NAA16: variants seen among roughly 807,000 people sequenced by gnomAD.
NAA16 encodes N-alpha-acetyltransferase 16, NatA auxiliary subunit.
NAA16 carries 97 observed loss-of-function variants against 110.3 expected under a neutral mutation model. The ratio of observed to expected loss-of-function variants is 0.88; its 90% confidence interval spans 0.75 to 1.04. The LOEUF (loss-of-function observed/expected upper bound fraction) is 1.04. Among genes scored for constraint, NAA16 ranks in the 50% least tolerant of loss-of-function variants. NAA16 has a pLI of 0.00. For synonymous variants in NAA16, 372 were observed against 330.6 expected (o/e 1.13, Z -1.36); for missense variants, 1,017 against 1,005.1 (o/e 1.01, Z -0.16).
intron 9 of NAA16, among the ~76,000 whole-genome samples, chr13:41,353,113 T>TCAAAACAAAACAAAACAAAACAAAA (rs57333303): frequency 4.1e-4 from 61 of 150,536 alleles, no homozygotes; most frequent in African/African-American, 1.4e-3. Context: ...AGACTCCATC[T>TCAAAACAAAACAAAACAAAACAAAA]CAAAACAAAA....
intron 9 of NAA16, among the ~76,000 whole-genome samples, chr13:41,352,178 C>CA (rs1442569273): frequency 6.6e-6 from 1 of 152,020 alleles, no homozygotes; most frequent in Non-Finnish European, 1.5e-5. Flanking sequence ...CCCGTCTCTA[C>CA]AAAAAATACA....
chr13:41,376,281 T>TC lies in NAA16; in HGVS notation c.*681dup. 6.6e-6 allele frequency: 1 copy of TC among 152,258 alleles called. No homozygotes were observed. The highest frequency in any genetic ancestry group is 1.9e-4 in the East Asian group (1 of 5,180). The allele number at this position is 152,258 out of a possible 1,614,324, so 9.4% of individuals were successfully genotyped here. A position where few individuals can be genotyped will look rare whatever the true frequency, so the allele number is the denominator to read the frequency against. On this transcript the variant is annotated 3_prime_UTR_variant, in exon 20 of 20. Coordinates refer to ENST00000379406, the MANE Select transcript of NAA16 (RefSeq NM_024561.5). ...TCCAGCCTGGGCAACAGAGCAAGAC[T>TC]CCATCTCGAAAAAAAGGAATTCCTC...
At chr13:41,354,841 G>C (rs2042938351) in intron 9 of NAA16, among the ~76,000 whole-genome samples, 1 of 146,886 alleles carries the variant, frequency 6.8e-6, no homozygotes, top group Admixed American at 6.8e-5. Context: ...TGACATTTTA[G>C]AAAATCTGAA....
intron 9 of NAA16, among the ~76,000 whole-genome samples, chr13:41,342,584 T>TA (rs973257351): frequency 1.1e-4 from 16 of 152,164 alleles, no homozygotes; most frequent in Non-Finnish European, 2.2e-4. Flanking sequence ...ACAGCAATAA[T>TA]AAAAAATCAA....
At chr13:41,311,707 C>T (rs2041577604) in intron 1 of NAA16, 125 bp downstream of exon 1, 25 of 897,676 alleles carry the variant, frequency 2.8e-5, no homozygotes, top group South Asian at 2.3e-4. Context: ...TCTTTGTTTA[C>T]CTCGGAGGTC....
In NAA16 at chr13:41,370,392, A is replaced by G. The variant is rs540346430; in HGVS notation, c.1947+1109A>G. Reference sequence around the variant, plus strand: ...ATAAAAGCCACAAAGGACATCTATTAGTAAGGAAAATAAGCGAACACCAGG... The same window carrying G: ...ATAAAAGCCACAAAGGACATCTATTGGTAAGGAAAATAAGCGAACACCAGG... On this transcript the variant is annotated intron_variant, in intron 15 of 19. Coordinates refer to ENST00000379406, the MANE Select transcript of NAA16 (RefSeq NM_024561.5). Among the ~76,000 whole-genome samples the G allele has an allele frequency of 2.6e-5, 4 of 152,322 alleles. No individual in the cohort carries two copies. In the East Asian group the frequency reaches 7.7e-4, roughly 29 times the overall value.
chr13:41,346,479 A>T (rs958404233), intron 9 of NAA16, among the ~76,000 whole-genome samples: 1 of 152,234 alleles, frequency 6.6e-6, no homozygotes, highest in Admixed American at 6.5e-5. Context: ...GTGCCATGCC[A>T]TGCTGGGCCA....
At chr13:41,355,707 C>T (rs910056973) in intron 10 of NAA16, among the ~76,000 whole-genome samples, 5 of 152,130 alleles carry the variant, frequency 3.3e-5, no homozygotes, top group Admixed American at 2.6e-4. Context: ...GGATTACAGG[C>T]GTGAGCCACC....
chr13:41,373,202 T>G (rs1438020754), intron 17 of NAA16: 1 of 843,240 alleles, frequency 1.2e-6, no homozygotes, highest in African/African-American at 1.8e-5. Flanking sequence ...AAAGGAAGAA[T>G]AATAATTATA....
intron 10 of NAA16, among the ~76,000 whole-genome samples, chr13:41,356,141 A>G (rs1382143537): frequency 6.6e-6 from 1 of 152,098 alleles, no homozygotes; most frequent in Non-Finnish European, 1.5e-5. Context: ...CACCATGCCT[A>G]GCTGATTTTG....
intron 10 of NAA16, among the ~76,000 whole-genome samples, chr13:41,357,518 A>AT (rs2043017282): frequency 6.6e-6 from 1 of 152,170 alleles, no homozygotes; most frequent in Non-Finnish European, 1.5e-5. Flanking sequence ...TTGTGTTTTA[A>AT]TGTGTGCTAT....
rs1056842628 is a variant in NAA16 at position 41,375,806 on chromosome 13, G to T, written c.*204G>T. 8.7e-6 allele frequency: 4 copies of T among 458,736 alleles called. No individual in the cohort carries two copies. Among genetic ancestry groups the T allele is most frequent in the Non-Finnish European group, 1.5e-5 (4 of 261,148 alleles). 28.4% of individuals were successfully genotyped at this position (458,736 alleles called of 1,614,324 possible). A position where few individuals can be genotyped will look rare whatever the true frequency, so the allele number is the denominator to read the frequency against. Reference sequence around the variant, plus strand: ...AAAATTACCTGTTTATTCTTACACAGTTTTGTGGTAGCTCCGATCGCTTCT... The same window carrying T: ...AAAATTACCTGTTTATTCTTACACATTTTTGTGGTAGCTCCGATCGCTTCT... On this transcript the variant is annotated 3_prime_UTR_variant, in exon 20 of 20. Transcript: ENST00000379406.
At chr13:41,342,223 C>T (rs1447981129) in intron 9 of NAA16, among the ~76,000 whole-genome samples, 6 of 151,778 alleles carry the variant, frequency 4.0e-5, no homozygotes, top group Non-Finnish European at 7.4e-5. Context: ...CTGCAACTTC[C>T]GCCTCCCAGG....
intron 8 of NAA16, among the ~76,000 whole-genome samples, chr13:41,332,603 A>T (rs934017944): frequency 6.6e-6 from 1 of 152,162 alleles, no homozygotes; most frequent in Non-Finnish European, 1.5e-5. Context: ...AGTGCTATAG[A>T]TTATGAATTG....
At chr13:41,353,224 C>T (rs535849906) in intron 9 of NAA16, among the ~76,000 whole-genome samples, 36 of 152,138 alleles carry the variant, frequency 2.4e-4, no homozygotes, top group Admixed American at 3.3e-4. Context: ...CAGTAGATGG[C>T]GCAAGTTCCT....
At chr13:41,328,093 T>C (rs1190332102) in intron 6 of NAA16, 1 of 151,968 alleles carries the variant, frequency 6.6e-6, no homozygotes, top group African/African-American at 2.4e-5. Context: ...TTGGATTAGG[T>C]GTGTTTCCAT....
At chr13:41,346,961 G>A (rs1327050298) in intron 9 of NAA16, among the ~76,000 whole-genome samples, 3 of 152,168 alleles carry the variant, frequency 2.0e-5, no homozygotes, top group African/African-American at 7.2e-5. Context: ...GCTCACGCCT[G>A]TAATCCCAGC....
At chr13:41,353,398 T>C (rs1412997033) in intron 9 of NAA16, among the ~76,000 whole-genome samples, 2 of 152,120 alleles carry the variant, frequency 1.3e-5, no homozygotes, top group Non-Finnish European at 1.5e-5. Flanking sequence ...AAAAAGTCTT[T>C]GCAATTTTTT....
intron 9 of NAA16, chr13:41,354,417 A>G (rs2042925574): frequency 6.6e-6 from 1 of 152,366 alleles, no homozygotes; most frequent in Admixed American, 6.5e-5. Context: ...ACACATGACC[A>G]CTTCAGTGTG....
Sources: gnomAD v4.1 joint callset for allele counts (sites outside exome capture counted in the v4.1 genomes callset) on GRCh38, gnomAD v4.1.1 for gene constraint, MANE v1.5 for transcripts, NCBI Gene and HGNC (gene_info 2026-07-23, HGNC 2026-07-21) for gene names.